The following HR variants were observed in gnomAD, a reference collection of about 807,000 sequenced individuals.
HR encodes lysine-specific demethylase hairless.
HR carries 83 observed loss-of-function variants against 128.6 expected under a neutral mutation model. That is an observed-to-expected ratio of 0.65 (90% CI 0.54 to 0.77). HR has a LOEUF of 0.77. Ranked by LOEUF, HR falls within the 30% of genes least tolerant of loss-of-function variation. The pLI, the probability that HR is intolerant of heterozygous loss-of-function variation, is 0.00. For synonymous variants in HR, 681 were observed against 658.2 expected (o/e 1.03, Z -0.53); for missense variants, 1,490 against 1,574.6 (o/e 0.95, Z 0.91).
At position 22,127,281 on chromosome 8, in the gene HR, G is replaced by A. The variant is rs1338790666; in HGVS notation, c.1161C>T (p.His387=). 5.0e-6 allele frequency: 8 copies of A among 1,613,288 alleles called. No individual in the cohort carries two copies. Among genetic ancestry groups the A allele is most frequent in the Non-Finnish European group, 6.8e-6 (8 of 1,180,028 alleles). Reference sequence around the variant, plus strand: ...CGCGTGGACATTCAAACTGCTCCGAGTGCCGTGTGAGCCATGTCTTCTTCA... The same window carrying A: ...CGCGTGGACATTCAAACTGCTCCGAATGCCGTGTGAGCCATGTCTTCTTCA... ...TKLKKTWLTR[H]SEQFECPRGC... The change falls in exon 3 of 19, where the codon CAC becomes CAT. Residue 387 remains histidine, a synonymous_variant. Coordinates refer to ENST00000381418, the MANE Select transcript of HR (RefSeq NM_005144.5).
In HR at chr8:22,130,714, G is replaced by C. The variant is rs924331631; in HGVS notation, c.-327C>G. 1 of 152,298 alleles carries C rather than the reference G, an allele frequency of 6.6e-6. No homozygotes were observed. Among genetic ancestry groups the C allele is most frequent in the Non-Finnish European group, 1.5e-5 (1 of 68,100 alleles). 9.4% of individuals were successfully genotyped at this position (152,298 alleles called of 1,614,324 possible). ...GAGGCCGTAGGTTGCGCCATGGGACGCCGAGACTCCGTGCTGCGCCGCGGG... is the reference window on the plus strand; with the variant it reads ...GAGGCCGTAGGTTGCGCCATGGGACCCCGAGACTCCGTGCTGCGCCGCGGG... On this transcript the variant is annotated 5_prime_UTR_variant, in exon 1 of 19. Transcript: ENST00000381418.
chr8:22,120,148 A>G lies in HR; in HGVS notation c.2802T>C (p.Ser934=). 6.3e-7 allele frequency: 1 copy of G among 1,593,810 alleles called. No individual in the cohort carries two copies. The highest frequency in any genetic ancestry group is 8.5e-7 in the Non-Finnish European group (1 of 1,171,004). ...PELRPKSDEG[S]VLLLHRALGD... Reference sequence around the variant, plus strand: ...CCAAAGCTCGGTGCAGCAGGAGGACAGAGCCCTCGTCTGACTTTGGGCGAA... The same window carrying G: ...CCAAAGCTCGGTGCAGCAGGAGGACGGAGCCCTCGTCTGACTTTGGGCGAA... The change falls in exon 13 of 19, where the codon TCT becomes TCC. Residue 934 remains serine, a synonymous_variant. Transcript: ENST00000381418.
At chr8:22,119,628 A>AAAG in intron 14 of HR, 132 bp downstream of exon 14, 1 of 1,236,710 alleles carries the variant, frequency 8.1e-7, no homozygotes. Flanking sequence ...AAAAAAAAAA[A>AAAG]AAAGAAAGAA....
In HR at chr8:22,123,688, C is replaced by T; in HGVS notation, c.1876G>A (p.Gly626Ser). 1 of 1,554,482 alleles carries T rather than the reference C, an allele frequency of 6.4e-7. No individual in the cohort carries two copies. The highest frequency in any genetic ancestry group is 8.6e-7 in the Non-Finnish European group (1 of 1,156,568). ...GCCCGCCCAGTGCCTGCCACACGAC[C>T]ACAGGCCACACACAGCCGGTGGCTG... ...RCSHRLCVAC[G>S]RVAGTGRARE... Residue 626 changes from glycine (G) to serine (S), a missense_variant, in exon 6 of 19, where the codon GGT becomes AGT. Physicochemically the swap from Gly to Ser is moderately conservative, Grantham distance 56 (BLOSUM62 0). Coordinates refer to ENST00000381418, the MANE Select transcript of HR (RefSeq NM_005144.5).
At chr8:22,118,017 C>T (rs995357687) in intron 16 of HR, 2 of 152,212 alleles carry the variant, frequency 1.3e-5, no homozygotes, top group African/African-American at 4.8e-5. Flanking sequence ...TAGTGACTGC[C>T]CACGGCCAGC....
At chr8:22,123,616 A>AAT in intron 6 of HR, 33 bp downstream of exon 6, 15 of 562,342 alleles carry the variant, frequency 2.7e-5, no homozygotes, top group Middle Eastern at 5.1e-4. Context: ...TGAGGGCTCC[A>AAT]TCCCGCCCTC....
Position 22,119,174 on chromosome 8 carries a change from C to G in HR, c.3087G>C (p.Arg1029=). 1 of 1,613,836 alleles carries G rather than the reference C, an allele frequency of 6.2e-7. No homozygotes were observed. The highest frequency in any genetic ancestry group is 8.5e-7 in the Non-Finnish European group (1 of 1,180,028). ...HADTPLPAWH[R]AQKDFLSGLD... is the part of the protein sequence containing the mutation. ...TGGCCGAGGACCTACCTTTCTGTGC[C>G]CGGTGCCAGGCAGGCAGTGGTGTGT... The change falls in exon 15 of 19, where the codon CGG becomes CGC. Residue 1029 remains arginine (R), a synonymous_variant. Transcript: ENST00000381418.
In HR at chr8:22,130,844, G is replaced by A. The variant is rs1329532937; in HGVS notation, c.-457C>T. On this transcript the variant is annotated 5_prime_UTR_variant, in exon 1 of 19. Transcript: ENST00000381418. ...TCGGAGATGGCCGAGTTGGGGGAAA[G>A]GCCGAGGGGCCGGGGAAGGGGGTCG... is the stretch of plus-strand genomic sequence containing the variant. The A allele has an allele frequency of 3.3e-5, 5 of 152,356 alleles. No homozygotes were observed. Among genetic ancestry groups the A allele is most frequent in the African/African-American group, 1.2e-4 (5 of 41,454 alleles). 9.4% of individuals were successfully genotyped at this position (152,356 alleles called of 1,614,324 possible).
chr8:22,127,506 T>G lies in HR; in HGVS notation c.936A>C (p.Pro312=). Residue 312 remains proline, a synonymous_variant, in exon 3 of 19, where the codon CCA becomes CCC. Transcript: ENST00000381418. ...CAGGCGGCTCAGGAGAGGGGCACCT[T>G]GGTGTTGCTGGTGGCCCCAGCTGGT... ...LGYQLGPPAT[P]RCPSPEPPVT... is the part of the protein sequence containing the mutation. 1.2e-6 allele frequency: 2 copies of G among 1,612,706 alleles called. No individual in the cohort carries two copies. Among genetic ancestry groups the G allele is most frequent in the South Asian group, 2.2e-5 (2 of 91,068 alleles).
rs528037067 is a variant in HR at position 22,114,479 on chromosome 8, A to C, written c.*1221T>G. ...AAATTCCCCAAACCACAGCAGGAAC[A>C]ATTAGGTATGACAAGAGTGGGAGTG... is the stretch of plus-strand genomic sequence containing the variant. On this transcript the variant is annotated 3_prime_UTR_variant, in exon 19 of 19. Transcript: ENST00000381418. 159 of 152,800 alleles carry C rather than the reference A, an allele frequency of 1.0e-3. No individual in the cohort carries two copies. The highest frequency in any genetic ancestry group is 3.7e-3 in the African/African-American group (153 of 41,588). The allele number at this position is 152,800 out of a possible 1,614,324, so 9.5% of individuals were successfully genotyped here.
intron 14 of HR, among the ~76,000 whole-genome samples, 200 bp downstream of exon 14, chr8:22,119,560 T>C (rs1826680695): frequency 6.7e-6 from 1 of 149,936 alleles, no homozygotes; most frequent in South Asian, 2.1e-4. Context: ...TGAGCCGAGA[T>C]AGTGCCATTG....
chr8:22,118,928 G>A (rs1178502167), intron 16 of HR, 22 bp downstream of exon 16: 3 of 1,598,676 alleles, frequency 1.9e-6, no homozygotes, highest in Non-Finnish European at 2.6e-6. Context: ...GGGAAGGGGA[G>A]GGCTCCCGGC....
chr8:22,120,672 G>A (rs1255533562), intron 11 of HR, 44 bp downstream of exon 11: 1 of 1,520,004 alleles, frequency 6.6e-7, no homozygotes, highest in South Asian at 1.2e-5. Context: ...CCGAGGGGCA[G>A]GTGGGGTGGC....
chr8:22,123,617 T>TGACCCC, intron 6 of HR, 32 bp downstream of exon 6: 2 of 292,092 alleles, frequency 6.8e-6, no homozygotes, highest in South Asian at 3.0e-5. Flanking sequence ...GAGGGCTCCA[T>TGACCCC]CCCGCCCTCC....
chr8:22,119,844 G>C lies in HR; in HGVS notation c.2893C>G (p.Leu965Val), dbSNP rs751686546. Residue 965 changes from leucine to valine, a missense_variant, in exon 14 of 19, where the codon CTC becomes GTC. Around this residue, in one of 3 missense-constraint regions of HR, gnomAD observed 423 missense variants for 495.9 expected, o/e 0.85. Transcript: ENST00000381418. ...ASLPLPEYCALHGKLNLASYL... is the reference protein window; with the variant it reads ...ASLPLPEYCAVHGKLNLASYL... ...GAAGCCAGGTTGAGTTTTCCATGGA[G>C]GGCGCAGTACTCCGGAAGTGGCAGA... The C allele has an allele frequency of 6.2e-7, 1 of 1,613,856 alleles. No homozygotes were observed. Among genetic ancestry groups the C allele is most frequent in the Admixed American group, 1.7e-5 (1 of 60,030 alleles).
chr8:22,119,735 T>C (rs200659860), intron 14 of HR, 25 bp downstream of exon 14: 2 of 1,591,056 alleles, frequency 1.3e-6, no homozygotes, highest in Non-Finnish European at 1.7e-6. Flanking sequence ...GAGTAGAGAC[T>C]GGGCAGGAGT....
Position 22,120,487 on chromosome 8 carries a change from G to A in HR, c.2631C>T (p.Ile877=). The A allele has an allele frequency of 6.2e-7, 1 of 1,613,950 alleles. No individual in the cohort carries two copies. Among genetic ancestry groups the A allele is most frequent in the Non-Finnish European group, 8.5e-7 (1 of 1,180,026 alleles). The change falls in exon 12 of 19, where the codon ATC becomes ATT. Residue 877 remains isoleucine, a synonymous_variant. Coordinates refer to ENST00000381418, the MANE Select transcript of HR (RefSeq NM_005144.5). ...ACAGGTTGCCCTGCAATGTCCTTTG[G>A]ATCCCTGACACCAACACAGGCTGTG... The part of the protein sequence containing the change: ...RQGQPVLVSG[I]QRTLQGNLWG...
Position 22,118,961 on chromosome 8 carries a change from AGCG to A in HR, c.3199_3201del (p.Arg1067del). 6.2e-7 allele frequency: 1 copy of A among 1,611,532 alleles called. No homozygotes were observed. Among genetic ancestry groups the A allele is most frequent in the Non-Finnish European group, 8.5e-7 (1 of 1,179,956 alleles). On this transcript the variant is annotated inframe_deletion, in exon 16 of 19. Coordinates refer to ENST00000381418, the MANE Select transcript of HR (RefSeq NM_005144.5). ...GGCTGCCTCCTCACCATCTGGAGAA[AGCG>A]GCGGATGCGCTGGGCGTCCTGTGCC... is the stretch of plus-strand genomic sequence containing the variant.
Position 22,120,116 on chromosome 8 carries a change from T to G in HR, c.2834A>C (p.Glu945Ala), listed in dbSNP as rs536445033. ...VLLLHRALGD[E>A]DTSRVENLAA... ...GTGACATACACACCTGCTGGTGTCC[T>G]CATCCCCCAAAGCTCGGTGCAGCAG... Residue 945 changes from glutamate to alanine, a missense_variant, in exon 13 of 19, where the codon GAG (glutamate) becomes GCG (alanine). By Grantham distance (107) the Glu-to-Ala change is moderately radical. Transcript: ENST00000381418. 2.5e-6 allele frequency: 4 copies of G among 1,588,810 alleles called. No homozygotes were observed. Among genetic ancestry groups the G allele is most frequent in the South Asian group, 2.3e-5 (2 of 87,236 alleles).
Sources: gnomAD v4.1 joint callset for allele counts (sites outside exome capture counted in the v4.1 genomes callset) on GRCh38, gnomAD v4.1.1 for gene constraint, gnomAD v4.1.1 regional missense constraint, MANE v1.5 for transcripts, NCBI Gene and HGNC (gene_info 2026-07-23, HGNC 2026-07-21) for gene names.